Variants in DMXL2 observed in about 807,000 individuals in gnomAD.
DMXL2 encodes the protein dmX-like protein 2.
In DMXL2, 103 loss-of-function variants were observed where a neutral mutation model predicts 331.1. That is an observed-to-expected ratio of 0.31 (90% CI 0.27 to 0.37). DMXL2 has a LOEUF of 0.37. Ranked by LOEUF, DMXL2 falls within the 10% of genes least tolerant of loss-of-function variation. The pLI is 1.00. For missense variants in DMXL2, 3,171 were observed against 3,642.9 expected, an observed-to-expected ratio of 0.87 and a Z score of 3.33; for synonymous variants, 1,281 against 1,252.1, an observed-to-expected ratio of 1.02 and a Z score of -0.49.
At position 51,500,849 on chromosome 15, in the gene DMXL2, A is replaced by G. The variant is rs550773164; in HGVS notation, c.2993-618T>C. On this transcript the variant is annotated intron_variant, in intron 17 of 43. Transcript: ENST00000560891. Reference sequence around the variant, plus strand: ...GACTAACAATGCACATCTGTTGTCAACTGTAAGACAAGGGGATATAGAGAT... The same window carrying G: ...GACTAACAATGCACATCTGTTGTCAGCTGTAAGACAAGGGGATATAGAGAT... Among the ~76,000 whole-genome samples, 16 of 152,350 alleles carry G rather than the reference A, an allele frequency of 1.1e-4. No individual in the cohort carries two copies. The East Asian group carries it at 3.1e-3, about 29-fold the overall frequency.
At chr15:51,457,860 T>G (rs2140230833) in intron 36 of DMXL2, 1 of 177,258 alleles carries the variant, frequency 5.6e-6, no homozygotes, top group East Asian at 1.6e-4. Flanking sequence ...GGATGGATTG[T>G]ATCATAGTAC....
intron 9 of DMXL2, among the ~76,000 whole-genome samples, chr15:51,541,167 G>A (rs1456508309): frequency 6.6e-6 from 1 of 151,964 alleles, no homozygotes; most frequent in South Asian, 2.1e-4. Flanking sequence ...GATAAGAAAG[G>A]ATAATATAAG....
At chr15:51,517,844 T>TA (rs1445649022) in intron 13 of DMXL2, among the ~76,000 whole-genome samples, 1 of 152,210 alleles carries the variant, frequency 6.6e-6, no homozygotes, top group Non-Finnish European at 1.5e-5. Context: ...GAGATATAAG[T>TA]ACAAGCATAT....
chr15:51,542,429 C>T lies in DMXL2; in HGVS notation c.1009G>A (p.Asp337Asn), dbSNP rs746523048. ...TGAACTTCATGCATTGCTGTCTGGT[C>T]GGGCATTAATTCAGCATGAGTTACA... ...VLVTHAELMP[D>N]QTAMHEVQRH... Residue 337 changes from aspartate (D) to asparagine (N), a missense_variant, in exon 9 of 44, where the codon GAC (aspartate) becomes AAC (asparagine). By Grantham distance (23) the Asp-to-Asn change is conservative. This residue lies in a region of DMXL2 where 1,674 missense variants were observed against 1,780.2 expected (regional missense o/e 0.94). Transcript: ENST00000560891. 1.5e-5 allele frequency: 25 copies of T among 1,613,516 alleles called. No homozygotes were observed. Among genetic ancestry groups the T allele is most frequent in the Non-Finnish European group, 2.0e-5 (24 of 1,179,756 alleles).
chr15:51,461,270 G>A (rs1225904709), intron 33 of DMXL2, among the ~76,000 whole-genome samples: 1 of 152,074 alleles, frequency 6.6e-6, no homozygotes, highest in Non-Finnish European at 1.5e-5. Context: ...ATAATGGAAG[G>A]GAGACTAAGG....
At chr15:51,532,990 AATTCAATTGTATTTGTAT>A (rs370246974) in intron 13 of DMXL2, among the ~76,000 whole-genome samples, 37 of 152,326 alleles carry the variant, frequency 2.4e-4, no homozygotes, top group African/African-American at 8.7e-4. Context: ...AAACATACAA[AATTCAATTGTATTTGTAT>A]ATTCAATTGT....
intron 6 of DMXL2, among the ~76,000 whole-genome samples, chr15:51,560,245 C>A (rs1427165131): frequency 6.6e-6 from 1 of 152,004 alleles, no homozygotes; most frequent in African/African-American, 2.4e-5. Flanking sequence ...TTTGTAAAAT[C>A]TTTATACTTC....
rs2041628269 is a variant in DMXL2 at position 51,476,902 on chromosome 15, T to A, written c.6834-183A>T. 2.6e-5 allele frequency among the ~76,000 whole-genome samples: 4 copies of A among 152,272 alleles called. 1 individual carries two copies. In the South Asian group the frequency reaches 8.3e-4, roughly 32 times the overall value. On this transcript the variant is annotated intron_variant, in intron 26 of 43. Coordinates refer to ENST00000560891, the MANE Select transcript of DMXL2 (RefSeq NM_001378457.1). ...TAGTTACAAATGCTTATTGTTTCTT[T>A]TAAACAAAGTAACAAATTTTATTAT...
chr15:51,576,597 GAT>G (rs2051064400), intron 1 of DMXL2, among the ~76,000 whole-genome samples: 1 of 152,126 alleles, frequency 6.6e-6, no homozygotes, highest in Non-Finnish European at 1.5e-5. Context: ...GAAATATCAA[GAT>G]AGAAATCAGG....
intron 1 of DMXL2, among the ~76,000 whole-genome samples, chr15:51,618,701 A>G (rs1025739980): frequency 6.6e-6 from 1 of 152,236 alleles, no homozygotes; most frequent in African/African-American, 2.4e-5. Context: ...TTTTGCAAAG[A>G]AAACAGTCAC....
chr15:51,486,573 TA>T (rs1379907942), intron 22 of DMXL2, among the ~76,000 whole-genome samples: 3 of 152,180 alleles, frequency 2.0e-5, no homozygotes, highest in Admixed American at 1.3e-4. Flanking sequence ...TGAAACAAAG[TA>T]TATTAATATC....
chr15:51,516,567 C>T (rs1427500713), intron 14 of DMXL2, among the ~76,000 whole-genome samples: 1 of 152,234 alleles, frequency 6.6e-6, no homozygotes, highest in Non-Finnish European at 1.5e-5. Flanking sequence ...AGATCAAGGT[C>T]ATGGTTTCTC....
intron 1 of DMXL2, among the ~76,000 whole-genome samples, chr15:51,601,223 G>A (rs187365103): frequency 1.2e-4 from 18 of 149,574 alleles, no homozygotes; most frequent in Admixed American, 5.4e-4. Context: ...CCTGGGAGGC[G>A]GAGCTTGCAG....
intron 1 of DMXL2, among the ~76,000 whole-genome samples, chr15:51,621,389 A>G (rs2054615001): frequency 6.6e-6 from 1 of 152,356 alleles, no homozygotes; most frequent in Non-Finnish European, 1.5e-5. Flanking sequence ...AGCAGACATC[A>G]AAGGGTTTTC....
intron 1 of DMXL2, among the ~76,000 whole-genome samples, chr15:51,577,055 G>A (rs2051097907): frequency 6.6e-6 from 1 of 152,162 alleles, no homozygotes; most frequent in Non-Finnish European, 1.5e-5. Context: ...AAGGGTCAGA[G>A]AGTTGGGACA....
chr15:51,470,188 T>C (rs2040968826), intron 29 of DMXL2, among the ~76,000 whole-genome samples: 2 of 152,156 alleles, frequency 1.3e-5, no homozygotes, highest in African/African-American at 2.4e-5. Flanking sequence ...CAGGCTGGTG[T>C]GCAGTGGCAC....
At chr15:51,467,258 T>G (rs2040664515) in intron 29 of DMXL2, among the ~76,000 whole-genome samples, 1 of 152,120 alleles carries the variant, frequency 6.6e-6, no homozygotes, top group African/African-American at 2.4e-5. Flanking sequence ...AACAATGTAA[T>G]CAATAAGGAA....
At chr15:51,457,892 T>G (rs1325672707) in intron 36 of DMXL2, 1 of 157,692 alleles carries the variant, frequency 6.3e-6, no homozygotes, top group East Asian at 1.9e-4. Context: ...TACTCTGAAA[T>G]GTGATATTAA....
intron 1 of DMXL2, among the ~76,000 whole-genome samples, chr15:51,602,773 TG>T (rs1355131613): frequency 1.3e-5 from 2 of 152,226 alleles, no homozygotes; most frequent in Non-Finnish European, 2.9e-5. Context: ...TACAGAAGGT[TG>T]GTCAAACCTT....
Sources: allele counts gnomAD v4.1 joint callset (sites outside exome capture counted in the v4.1 genomes callset), GRCh38; gene constraint gnomAD v4.1.1; regional missense constraint gnomAD v4.1.1; transcripts MANE v1.5; gene names NCBI Gene and HGNC (gene_info 2026-07-23, HGNC 2026-07-21).